BTNL3: variants seen among roughly 807,000 people sequenced by gnomAD.
BTNL3 encodes butyrophilin like 3, also known as butyrophilin-like protein 3.
BTNL3 carries 20 observed loss-of-function variants against 40.1 expected under a neutral mutation model. That is an observed-to-expected ratio of 0.50 (90% CI 0.35 to 0.72). The LOEUF (loss-of-function observed/expected upper bound fraction) is 0.72, where lower values mean the gene tolerates loss of function less well. Ranked by LOEUF, BTNL3 falls within the 30% of genes least tolerant of loss-of-function variation. The probability of loss-of-function intolerance (pLI) is 0.01; values close to 1 mark genes in which losing one functional copy is unlikely to be tolerated. For missense variants in BTNL3, 449 were observed against 582.2 expected, an observed-to-expected ratio of 0.77 and a Z score of 2.35; for synonymous variants, 179 against 222.1, an observed-to-expected ratio of 0.81 and a Z score of 1.73.
chr5:180,993,203 C>G lies in BTNL3; in HGVS notation c.397+43C>G, dbSNP rs757827809. ...GACTGAGTTGTCTTGTAAAGTCATG[C>G]TACCATTATCAGCTCTTAAAAGTAT... On this transcript the variant is annotated intron_variant, in intron 2 of 7. Transcript: ENST00000342868. 1.2e-4 allele frequency: 169 copies of G among 1,395,336 alleles called. 38 individuals carry two copies. Among genetic ancestry groups the G allele is most frequent in the Non-Finnish European group, 1.6e-4 (168 of 1,025,258 alleles). The allele number at this position is 1,395,336 out of a possible 1,614,324, so 86.4% of individuals were successfully genotyped here.
intron 3 of BTNL3, among the ~76,000 whole-genome samples, 165 bp downstream of exon 3, chr5:180,997,653 A>G (rs1760052864): frequency 7.3e-6 from 1 of 137,040 alleles, no homozygotes; most frequent in South Asian, 2.2e-4. Context: ...AACATTTGAT[A>G]AGGCAGAAGT....
Position 181,002,887 on chromosome 5 carries a change from C to A in BTNL3, c.787+102C>A. The A allele has an allele frequency of 3.0e-6, 4 of 1,323,324 alleles. No homozygotes were observed. In the Admixed American group the frequency reaches 6.5e-5, roughly 22 times the overall value. 82.0% of individuals were successfully genotyped at this position (1,323,324 alleles called of 1,614,324 possible). On this transcript the variant is annotated intron_variant, in intron 4 of 7. Coordinates refer to ENST00000342868, the MANE Select transcript of BTNL3 (RefSeq NM_197975.3). ...ACCTCTGGGCTCTGCTCTTCCAGCCCTAGGCCTACAGGGGCCACCAGCTGA... is the reference window on the plus strand; with the variant it reads ...ACCTCTGGGCTCTGCTCTTCCAGCCATAGGCCTACAGGGGCCACCAGCTGA...
At position 180,993,950 on chromosome 5, in the gene BTNL3, G is replaced by A. The variant is rs1001367226; in HGVS notation, c.397+790G>A. 2.9e-5 allele frequency among the ~76,000 whole-genome samples: 4 copies of A among 135,878 alleles called. 1 individual carries two copies. The highest frequency in any genetic ancestry group is 7.8e-5 in the Admixed American group (1 of 12,846). The allele number at this position is 135,878 out of a possible 152,430, so 89.1% of individuals were successfully genotyped here. A position where few individuals can be genotyped will look rare whatever the true frequency, so the allele number is the denominator to read the frequency against. On this transcript the variant is annotated intron_variant, in intron 2 of 7. Coordinates refer to ENST00000342868, the MANE Select transcript of BTNL3 (RefSeq NM_197975.3). ...TGAGTAGCTCAGATTACAGGCATGCGCCACCACACCCAGCTAATTTTTTTT... is the reference window on the plus strand; with the variant it reads ...TGAGTAGCTCAGATTACAGGCATGCACCACCACACCCAGCTAATTTTTTTT...
Position 180,988,983 on chromosome 5 carries a change from G to A in BTNL3, c.-46G>A, listed in dbSNP as rs368187828. 8.1e-5 allele frequency: 116 copies of A among 1,429,846 alleles called. 16 individuals are homozygous for A. In the African/African-American group the frequency reaches 1.3e-3, roughly 16 times the overall value. The allele number at this position is 1,429,846 out of a possible 1,614,324, so 88.6% of individuals were successfully genotyped here. A position where few individuals can be genotyped will look rare whatever the true frequency, so the allele number is the denominator to read the frequency against. ...ACCTCCAAATCATCCATCCACCCCT[G>A]CTGTCATCTGTTTTCATAGTGTGAG... On this transcript the variant is annotated 5_prime_UTR_variant, in exon 1 of 8. Transcript: ENST00000342868.
In BTNL3 at chr5:181,006,394, A is replaced by G. The variant is rs1175020254; in HGVS notation, c.*522A>G. 6.0e-6 allele frequency: 1 copy of G among 165,944 alleles called. No homozygotes were observed. The highest frequency in any genetic ancestry group is 6.4e-5 in the Admixed American group (1 of 15,654). The allele number at this position is 165,944 out of a possible 1,614,324, so 10.3% of individuals were successfully genotyped here. On this transcript the variant is annotated 3_prime_UTR_variant, in exon 8 of 8. Coordinates refer to ENST00000342868, the MANE Select transcript of BTNL3 (RefSeq NM_197975.3). The stretch of plus-strand genomic sequence containing the variant: ...AATTTACTTTTCTCTATACCAAATC[A>G]CCCATGGAATAGTTATTGAACACCT...
Position 180,994,343 on chromosome 5 carries a change from T to C in BTNL3, c.397+1183T>C, listed in dbSNP as rs922149940. ...AGATTTCCTCTTTATTTGTGAATAA[T>C]GGTTTTGCCAGATATAGAATTTCTG... is the stretch of plus-strand genomic sequence containing the variant. On this transcript the variant is annotated intron_variant, in intron 2 of 7. Coordinates refer to ENST00000342868, the MANE Select transcript of BTNL3 (RefSeq NM_197975.3). Among the ~76,000 whole-genome samples the C allele has an allele frequency of 5.1e-5, 7 of 137,352 alleles. 1 individual carries two copies. Among genetic ancestry groups the C allele is most frequent in the African/African-American group, 1.8e-4 (7 of 39,992 alleles). 90.1% of individuals were successfully genotyped at this position (137,352 alleles called of 152,430 possible). A position where few individuals can be genotyped will look rare whatever the true frequency, so the allele number is the denominator to read the frequency against.
At position 181,001,572 on chromosome 5, in the gene BTNL3, G is replaced by T. The variant is rs1391516630; in HGVS notation, c.674-1100G>T. Among the ~76,000 whole-genome samples, 2 of 133,698 alleles carry T rather than the reference G, an allele frequency of 1.5e-5. 1 individual carries two copies. The highest frequency in any genetic ancestry group is 5.2e-5 in the African/African-American group (2 of 38,804). 87.7% of individuals were successfully genotyped at this position (133,698 alleles called of 152,430 possible). A position where few individuals can be genotyped will look rare whatever the true frequency, so the allele number is the denominator to read the frequency against. On this transcript the variant is annotated intron_variant, in intron 3 of 7. Transcript: ENST00000342868. The stretch of plus-strand genomic sequence containing the variant: ...CCTTAAGAAATCCTCCCGGCCAGGC[G>T]CGGTGGCTCATGCCTGTAATCCCAG...
At position 180,992,945 on chromosome 5, in the gene BTNL3, A is replaced by G. The variant is rs762207565; in HGVS notation, c.182A>G (p.His61Arg). The change falls in exon 2 of 8, where the codon CAT becomes CGT. Residue 61 changes from histidine (H) to arginine (R), a missense_variant. His to Arg is a conservative substitution (Grantham distance 29, BLOSUM62 0). This residue lies in a region of BTNL3 where 323 missense variants were observed against 464.9 expected (regional missense o/e 0.69). Transcript: ENST00000342868. ...MEVRFFRNQF[H>R]AVVHLYRDGE... The stretch of plus-strand genomic sequence containing the variant: ...GTGCGGTTCTTCAGGAATCAGTTCC[A>G]TGCTGTGGTCCACCTCTACAGAGAT... 2 of 1,463,112 alleles carry G rather than the reference A, an allele frequency of 1.4e-6. 1 individual carries two copies. The highest frequency in any genetic ancestry group is 1.9e-6 in the Non-Finnish European group (2 of 1,058,860). The allele number at this position is 1,463,112 out of a possible 1,614,324, so 90.6% of individuals were successfully genotyped here.
chr5:181,005,954 A>C lies in BTNL3; in HGVS notation c.*82A>C. ...GAGAGTGCTCCCGACAGGTGGCCCCAGCTTCCTCTCCGGAGCCTGCGCACA... is the reference window on the plus strand; with the variant it reads ...GAGAGTGCTCCCGACAGGTGGCCCCCGCTTCCTCTCCGGAGCCTGCGCACA... On this transcript the variant is annotated 3_prime_UTR_variant, in exon 8 of 8. Transcript: ENST00000342868. 7.0e-7 allele frequency: 1 copy of C among 1,421,584 alleles called. No homozygotes were observed. Among genetic ancestry groups the C allele is most frequent in the South Asian group, 1.5e-5 (1 of 67,990 alleles). The allele number at this position is 1,421,584 out of a possible 1,614,324, so 88.1% of individuals were successfully genotyped here.
Position 181,005,735 on chromosome 5 carries a change from A to T in BTNL3, c.1264A>T (p.Asn422Tyr). The T allele has an allele frequency of 6.2e-7, 1 of 1,614,098 alleles. No individual in the cohort carries two copies. The highest frequency in any genetic ancestry group is 8.5e-7 in the Non-Finnish European group (1 of 1,180,006). The change falls in exon 8 of 8, where the codon AAT becomes TAT. Residue 422 changes from asparagine to tyrosine, a missense_variant. Physicochemically the swap from Asn to Tyr is moderately radical, Grantham distance 143. Around this residue, in one of 2 missense-constraint regions of BTNL3, gnomAD observed 126 missense variants for 117.2 expected, o/e 1.07. Coordinates refer to ENST00000342868, the MANE Select transcript of BTNL3 (RefSeq NM_197975.3). The stretch of plus-strand genomic sequence containing the variant: ...TGAGGGTGGGACCATCTCCTTCTTC[A>T]ATACAAATGACCAGTCCCTTATTTA... ...DYEGGTISFF[N>Y]TNDQSLIYTL...
At chr5:181,002,899 G>T in intron 4 of BTNL3, 114 bp downstream of exon 4, 1 of 1,242,424 alleles carries the variant, frequency 8.0e-7, no homozygotes, top group South Asian at 1.2e-5. Context: ...AGGCCTACAG[G>T]GGCCACCAGC....
At position 181,006,346 on chromosome 5, in the gene BTNL3, A is replaced by G. The variant is rs1287929468; in HGVS notation, c.*474A>G. 4.4e-6 allele frequency: 1 copy of G among 225,418 alleles called. No individual in the cohort carries two copies. The highest frequency in any genetic ancestry group is 8.5e-6 in the Non-Finnish European group (1 of 117,332). The allele number at this position is 225,418 out of a possible 1,614,324, so 14.0% of individuals were successfully genotyped here. On this transcript the variant is annotated 3_prime_UTR_variant, in exon 8 of 8. Transcript: ENST00000342868. ...TATATTATACATTTTCCCACCATAAACTCTGTTTGCTTATTCCACATTAAT... is the reference window on the plus strand; with the variant it reads ...TATATTATACATTTTCCCACCATAAGCTCTGTTTGCTTATTCCACATTAAT...
At position 181,005,608 on chromosome 5, in the gene BTNL3, C is replaced by T. The variant is rs1244982064; in HGVS notation, c.1137C>T (p.Val379=). The T allele has an allele frequency of 6.2e-7, 1 of 1,613,894 alleles. No individual in the cohort carries two copies. Among genetic ancestry groups the T allele is most frequent in the South Asian group, 1.1e-5 (1 of 91,076 alleles). The part of the protein sequence containing the change: ...VTLSPNNGYW[V]LRLTTEHLYF... ...TGTCTCCCAACAATGGGTATTGGGT[C>T]CTCAGACTGACAACAGAACATTTGT... Residue 379 remains valine, a synonymous_variant, in exon 8 of 8, where the codon GTC becomes GTT. Coordinates refer to ENST00000342868, the MANE Select transcript of BTNL3 (RefSeq NM_197975.3).
chr5:180,989,805 T>G (rs1463539822), intron 1 of BTNL3, among the ~76,000 whole-genome samples: 1 of 136,580 alleles, frequency 7.3e-6, no homozygotes, highest in African/African-American at 2.5e-5. Context: ...ATCCTGCTAT[T>G]TGTCTACCTA....
At chr5:181,004,130 G>A (rs1440969170) in intron 5 of BTNL3, 2 of 1,338,574 alleles carry the variant, frequency 1.5e-6, no homozygotes, top group South Asian at 1.4e-5. Flanking sequence ...TGCTGTGTGT[G>A]TGGTGGGGGG....
rs1760044329 is a variant in BTNL3, at chr5:180,997,116, T to C, written c.398-97T>C. 2.2e-6 allele frequency: 3 copies of C among 1,385,414 alleles called. 1 individual carries two copies. Among genetic ancestry groups the C allele is most frequent in the Non-Finnish European group, 3.0e-6 (3 of 998,514 alleles). The allele number at this position is 1,385,414 out of a possible 1,614,324, so 85.8% of individuals were successfully genotyped here. On this transcript the variant is annotated intron_variant, in intron 2 of 7. Coordinates refer to ENST00000342868, the MANE Select transcript of BTNL3 (RefSeq NM_197975.3). ...AGAGAGAGAGAGAGAGAAAAGGATG[T>C]ATGTGTGTTATGGGTACAGGCTTGA... is the stretch of plus-strand genomic sequence containing the variant.
rs542695748 is a variant in BTNL3, at chr5:181,004,584, G to A, written c.835+141G>A. The stretch of plus-strand genomic sequence containing the variant: ...TCTGAAATTGCAGATTCTGGGGGAG[G>A]TGCATTTTGTAGAGAAGCCCCATAG... On this transcript the variant is annotated intron_variant, in intron 6 of 7. Transcript: ENST00000342868. 2.2e-5 allele frequency: 35 copies of A among 1,566,208 alleles called. No individual in the cohort carries two copies. In the African/African-American group the frequency reaches 4.2e-4, roughly 19 times the overall value.
chr5:181,002,822 T>C, intron 4 of BTNL3, 37 bp downstream of exon 4: 1 of 1,434,910 alleles, frequency 7.0e-7, no homozygotes, highest in Non-Finnish European at 9.6e-7. Context: ...CATACCTTCT[T>C]CATGGTTCCA....
At chr5:181,002,560 A>G in intron 3 of BTNL3, 112 bp from the exon 4 acceptor site, 1 of 974,896 alleles carries the variant, frequency 1.0e-6, no homozygotes, top group Non-Finnish European at 1.4e-6. Flanking sequence ...AATCTGTGGA[A>G]GAAATGAGAG....
Sources: allele counts gnomAD v4.1 joint callset (sites outside exome capture counted in the v4.1 genomes callset), GRCh38; gene constraint gnomAD v4.1.1; regional missense constraint gnomAD v4.1.1; transcripts MANE v1.5; gene names NCBI Gene and HGNC (gene_info 2026-07-23, HGNC 2026-07-21).